SH3GL1: variants seen among roughly 807,000 people sequenced by gnomAD.
SH3GL1 encodes endophilin-A2.
A neutral mutation model predicts 48.8 loss-of-function variants in SH3GL1; 21 were observed. The ratio of observed to expected loss-of-function variants is 0.43; its 90% confidence interval spans 0.30 to 0.62. The LOEUF (loss-of-function observed/expected upper bound fraction) is 0.62, where lower values mean the gene tolerates loss of function less well. Among genes scored for constraint, SH3GL1 ranks in the 20% least tolerant of loss-of-function variants. The pLI is 0.11. For synonymous variants in SH3GL1, 282 were observed against 217.5 expected (o/e 1.30, Z -2.61); for missense variants, 454 against 503.0 (o/e 0.90, Z 0.93).
Position 4,395,468 on chromosome 19 carries a change from A to G in SH3GL1, c.45+4856T>C, listed in dbSNP as rs567102086. ...TGTTTCAGTCTTTGTTTCTGTCATC[A>G]TATGTACGGGAAATTCCATAGAGAC... On this transcript the variant is annotated intron_variant, in intron 1 of 9. Coordinates refer to ENST00000269886, the MANE Select transcript of SH3GL1 (RefSeq NM_003025.4). The G allele has an allele frequency of 2.6e-5, 4 of 152,302 alleles. No homozygotes were observed. In the East Asian group the frequency reaches 7.7e-4, roughly 29 times the overall value. The allele number at this position is 152,302 out of a possible 1,614,324, so 9.4% of individuals were successfully genotyped here.
At chr19:4,386,262 A>G (rs1209473462) in intron 1 of SH3GL1, among the ~76,000 whole-genome samples, 1 of 152,150 alleles carries the variant, frequency 6.6e-6, no homozygotes, top group Non-Finnish European at 1.5e-5. Flanking sequence ...GGCGGGTGGC[A>G]AGGGATTGCG....
chr19:4,364,325 G>C, intron 4 of SH3GL1, 104 bp from the exon 5 acceptor site: 1 of 1,446,306 alleles, frequency 6.9e-7, no homozygotes, highest in Non-Finnish European at 9.6e-7. Flanking sequence ...AGGCTGGAAC[G>C]CAGTGGCGCT....
intron 1 of SH3GL1, among the ~76,000 whole-genome samples, chr19:4,373,215 G>A (rs113488829): frequency 0.013 from 1,952 of 152,296 alleles, 24 homozygotes; most frequent in Middle Eastern, 0.024. Flanking sequence ...GGAATCAGAC[G>A]GCAGAAACCC....
At position 4,360,385 on chromosome 19, in the gene SH3GL1, T is replaced by C. The variant is rs1972570287; in HGVS notation, c.*1215A>G. 3.9e-6 allele frequency: 1 copy of C among 255,576 alleles called. No homozygotes were observed. Among genetic ancestry groups the C allele is most frequent in the South Asian group, 1.1e-4 (1 of 8,888 alleles). The allele number at this position is 255,576 out of a possible 1,614,324, so 15.8% of individuals were successfully genotyped here. ...GGCAAGGGGCTGTAGAAAGAGACAT[T>C]TAATACTTCTGTTTACAAAATTCAG... On this transcript the variant is annotated 3_prime_UTR_variant, in exon 10 of 10. Transcript: ENST00000269886.
chr19:4,363,982 G>A, intron 5 of SH3GL1, 104 bp from the exon 6 acceptor site: 1 of 1,603,064 alleles, frequency 6.2e-7, no homozygotes, highest in Non-Finnish European at 8.5e-7. Flanking sequence ...CTGCCTGCCT[G>A]AGACCCAGAG....
Position 4,376,348 on chromosome 19 carries a change from G to A in SH3GL1, c.46-9354C>T, listed in dbSNP as rs571737376. 2.7e-4 allele frequency among the ~76,000 whole-genome samples: 41 copies of A among 152,198 alleles called. No individual in the cohort carries two copies. The highest frequency in any genetic ancestry group is 8.9e-4 in the African/African-American group (37 of 41,514). ...GGTGAAGGCACATTCCTCAGCGCCC[G>A]CTCACAGCTCTGCCCACCGTGCATT... On this transcript the variant is annotated intron_variant, in intron 1 of 9. Transcript: ENST00000269886. The surrounding 1 kb of genome is among the most constrained non-coding windows in gnomAD (Gnocchi z 4.3).
intron 1 of SH3GL1, among the ~76,000 whole-genome samples, chr19:4,388,850 G>A (rs981186682): frequency 2.0e-5 from 3 of 152,200 alleles, no homozygotes; most frequent in African/African-American, 4.8e-5. Flanking sequence ...CTCGGACCTG[G>A]CCAAGTTCAG....
At position 4,400,221 on chromosome 19, in the gene SH3GL1, C is replaced by T; in HGVS notation, c.45+103G>A. The stretch of plus-strand genomic sequence containing the variant: ...GGCAGGGGACACGCGCCAACGTCCC[C>T]ACCTCGGTCCCCCCGGCCCCCTCCC... On this transcript the variant is annotated intron_variant, in intron 1 of 9. Coordinates refer to ENST00000269886, the MANE Select transcript of SH3GL1 (RefSeq NM_003025.4). The surrounding 1 kb of genome is among the most constrained non-coding windows in gnomAD (Gnocchi z 4.1). The T allele has an allele frequency of 7.8e-7, 1 of 1,287,828 alleles. No individual in the cohort carries two copies. Among genetic ancestry groups the T allele is most frequent in the Non-Finnish European group, 1.1e-6 (1 of 943,438 alleles). 79.8% of individuals were successfully genotyped at this position (1,287,828 alleles called of 1,614,324 possible).
chr19:4,391,877 T>A (rs1220438444), intron 1 of SH3GL1, among the ~76,000 whole-genome samples: 1 of 152,124 alleles, frequency 6.6e-6, no homozygotes. Flanking sequence ...CGCCGCCGGC[T>A]CCAATGCCGG....
At chr19:4,362,886 T>A in intron 7 of SH3GL1, 150 bp from the exon 8 acceptor site, 1 of 1,288,606 alleles carries the variant, frequency 7.8e-7, no homozygotes, top group African/African-American at 1.5e-5. Context: ...GGGACACAGC[T>A]AGACTGGGAT....
At chr19:4,369,268 G>A (rs1972847702) in intron 1 of SH3GL1, among the ~76,000 whole-genome samples, 1 of 152,218 alleles carries the variant, frequency 6.6e-6, no homozygotes, top group Non-Finnish European at 1.5e-5. Context: ...TATTTCCTGG[G>A]ACAGTTTCAC....
chr19:4,392,755 A>C (rs1029289161), intron 1 of SH3GL1, among the ~76,000 whole-genome samples: 8 of 152,132 alleles, frequency 5.3e-5, no homozygotes, highest in Non-Finnish European at 1.2e-4. Context: ...CAGCCTGGCC[A>C]ACAAGGCGAA....
intron 1 of SH3GL1, among the ~76,000 whole-genome samples, chr19:4,379,287 A>C (rs922944591): frequency 3.9e-5 from 6 of 151,910 alleles, no homozygotes; most frequent in African/African-American, 1.4e-4. Flanking sequence ...AACCCCAGGC[A>C]TGGTGGCTCA....
intron 1 of SH3GL1, among the ~76,000 whole-genome samples, chr19:4,392,938 T>A (rs1372095632): frequency 6.6e-6 from 1 of 152,040 alleles, no homozygotes; most frequent in Non-Finnish European, 1.5e-5. Flanking sequence ...AGAACAAGAC[T>A]GCATCTCAAA....
At chr19:4,379,560 C>T (rs1028624050) in intron 1 of SH3GL1, among the ~76,000 whole-genome samples, 1 of 152,208 alleles carries the variant, frequency 6.6e-6, no homozygotes, top group Non-Finnish European at 1.5e-5. Flanking sequence ...GCTGCCACAG[C>T]CGCTGCGCCC....
At chr19:4,396,128 G>A (rs1303669550) in intron 1 of SH3GL1, 5 of 152,096 alleles carry the variant, frequency 3.3e-5, no homozygotes, top group Non-Finnish European at 5.9e-5. Flanking sequence ...GGGGTGCCAT[G>A]GCTCATGCCT....
intron 7 of SH3GL1, 146 bp from the exon 8 acceptor site, chr19:4,362,882 C>T: frequency 7.6e-7 from 1 of 1,322,998 alleles, no homozygotes; most frequent in Non-Finnish European, 1.1e-6. Context: ...CCCTGGGACA[C>T]AGCTAGACTG....
At chr19:4,396,849 A>G (rs1347761133) in intron 1 of SH3GL1, among the ~76,000 whole-genome samples, 1 of 152,178 alleles carries the variant, frequency 6.6e-6, no homozygotes, top group Non-Finnish European at 1.5e-5. Context: ...GACATTGTCA[A>G]TGTCCCCTGG....
In SH3GL1 at chr19:4,389,321, C is replaced by A. The variant is rs979948575; in HGVS notation, c.45+11003G>T. 2.0e-5 allele frequency among the ~76,000 whole-genome samples: 3 copies of A among 152,198 alleles called. No homozygotes were observed. The highest frequency in any genetic ancestry group is 4.4e-5 in the Non-Finnish European group (3 of 68,032). On this transcript the variant is annotated intron_variant, in intron 1 of 9. Transcript: ENST00000269886. The surrounding 1 kb of genome is among the most constrained non-coding windows in gnomAD (Gnocchi z 4.5). ...GGCCAGAAGCTCCAAGGGCTGAGAA[C>A]TCAGTTCCCACATGCATCCCCGGAA...
Sources: gnomAD v4.1 joint callset for allele counts (sites outside exome capture counted in the v4.1 genomes callset) on GRCh38, gnomAD v4.1.1 for gene constraint, Gnocchi (gnomAD v3.1) non-coding constraint, MANE v1.5 for transcripts, NCBI Gene and HGNC (gene_info 2026-07-23, HGNC 2026-07-21) for gene names.